The following TMEFF2 variants were observed in gnomAD, a reference collection of about 807,000 sequenced individuals.
TMEFF2 encodes tomoregulin-2.
Under a neutral mutation model 53.8 loss-of-function variants are expected in TMEFF2, and 28 were observed. That is an observed-to-expected ratio of 0.52 (90% CI 0.39 to 0.71). TMEFF2 has a LOEUF of 0.71. Ranked by LOEUF, TMEFF2 falls within the 30% of genes least tolerant of loss-of-function variation. The pLI, the probability that TMEFF2 is intolerant of heterozygous loss-of-function variation, is 0.00. For missense variants in TMEFF2, 353 were observed against 455.2 expected (o/e 0.78, Z 2.04); for synonymous variants, 162 against 166.3 (o/e 0.97, Z 0.20).
chr2:192,120,297 A>G (rs1166680806), intron 4 of TMEFF2, among the ~76,000 whole-genome samples: 1 of 152,210 alleles, frequency 6.6e-6, no homozygotes, highest in African/African-American at 2.4e-5. Context: ...GCCAGTTTGT[A>G]GAGGCTGCAC....
At chr2:192,097,762 G>A (rs1246112239) in intron 4 of TMEFF2, among the ~76,000 whole-genome samples, 1 of 152,050 alleles carries the variant, frequency 6.6e-6, no homozygotes, top group Non-Finnish European at 1.5e-5. Context: ...AGACTATACA[G>A]ATATATCACT....
At chr2:192,005,717 G>A (rs920144837) in intron 5 of TMEFF2, among the ~76,000 whole-genome samples, 2 of 152,066 alleles carry the variant, frequency 1.3e-5, no homozygotes, top group African/African-American at 4.8e-5. Flanking sequence ...CAGTAAATAA[G>A]GTCAGAGCTG....
intron 4 of TMEFF2, among the ~76,000 whole-genome samples, chr2:192,141,041 T>C (rs1390909391): frequency 1.3e-5 from 2 of 152,200 alleles, no homozygotes; most frequent in Non-Finnish European, 2.9e-5. Flanking sequence ...GATCTTATAA[T>C]GGAGCTAAGG....
At chr2:192,003,694 T>C (rs1344837557) in intron 5 of TMEFF2, among the ~76,000 whole-genome samples, 1 of 152,220 alleles carries the variant, frequency 6.6e-6, no homozygotes, top group Non-Finnish European at 1.5e-5. Context: ...AATAAAATGC[T>C]ATATAAAGAT....
intron 7 of TMEFF2, among the ~76,000 whole-genome samples, chr2:191,995,707 T>C (rs1686206776): frequency 6.6e-6 from 1 of 152,034 alleles, no homozygotes; most frequent in Non-Finnish European, 1.5e-5. Context: ...GGGTGTATAT[T>C]GTATTCTAAT....
intron 5 of TMEFF2, among the ~76,000 whole-genome samples, chr2:192,018,863 G>A (rs1415179863): frequency 1.3e-5 from 2 of 151,266 alleles, no homozygotes; most frequent in Non-Finnish European, 2.9e-5. Flanking sequence ...CTACATTTAT[G>A]TAGTAGCCAG....
intron 4 of TMEFF2, among the ~76,000 whole-genome samples, chr2:192,073,917 A>G (rs1298422237): frequency 6.6e-6 from 1 of 152,002 alleles, no homozygotes; most frequent in Non-Finnish European, 1.5e-5. Context: ...AGATAGAAAC[A>G]CCATACATAA....
At chr2:191,960,361 T>A (rs140549986) in intron 7 of TMEFF2, among the ~76,000 whole-genome samples, 1 of 152,374 alleles carries the variant, frequency 6.6e-6, no homozygotes, top group East Asian at 1.9e-4. Context: ...GCCTTCACAT[T>A]GGAATGGCTT....
chr2:192,074,262 A>G (rs1308501426), intron 4 of TMEFF2, among the ~76,000 whole-genome samples: 2 of 151,992 alleles, frequency 1.3e-5, no homozygotes, highest in Non-Finnish European at 2.9e-5. Context: ...TGTAATAATT[A>G]TATTTAGTTT....
At chr2:192,078,743 C>T (rs993417792) in intron 4 of TMEFF2, among the ~76,000 whole-genome samples, 12 of 152,100 alleles carry the variant, frequency 7.9e-5, no homozygotes, top group Admixed American at 1.3e-4. Context: ...ACAACAAATT[C>T]TACTCTCTAA....
chr2:191,979,643 T>C (rs1350851620), intron 7 of TMEFF2, among the ~76,000 whole-genome samples: 1 of 152,086 alleles, frequency 6.6e-6, no homozygotes, highest in African/African-American at 2.4e-5. Flanking sequence ...GAAGGTCTCT[T>C]TTTTCCCCTC....
At position 192,192,501 on chromosome 2, in the gene TMEFF2, A is replaced by G. The variant is rs143420636; in HGVS notation, c.173-512T>C. On this transcript the variant is annotated intron_variant, in intron 1 of 9. Coordinates refer to ENST00000272771, the MANE Select transcript of TMEFF2 (RefSeq NM_016192.4). ...AACAAAGCCTCAATAATAAAGATAA[A>G]CAGGCACAGTGTTTTCTGTGATGGT... 5.8e-3 allele frequency among the ~76,000 whole-genome samples: 880 copies of G among 152,332 alleles called. 20 individuals are homozygous for G. Among genetic ancestry groups the G allele is most frequent in the Admixed American group, 0.045 (689 of 15,306 alleles).
intron 4 of TMEFF2, among the ~76,000 whole-genome samples, chr2:192,129,002 A>G (rs1469393922): frequency 6.6e-6 from 1 of 152,204 alleles, no homozygotes; most frequent in Non-Finnish European, 1.5e-5. Context: ...CAGTAGCCAC[A>G]CATTTCCTCT....
At chr2:192,054,602 C>G (rs906054169) in intron 5 of TMEFF2, among the ~76,000 whole-genome samples, 3 of 152,088 alleles carry the variant, frequency 2.0e-5, no homozygotes, top group African/African-American at 7.2e-5. Context: ...GATGTTTTCC[C>G]ACTTCCAGCT....
intron 4 of TMEFF2, among the ~76,000 whole-genome samples, chr2:192,117,117 T>C (rs1432472303): frequency 6.6e-6 from 1 of 152,172 alleles, no homozygotes; most frequent in Non-Finnish European, 1.5e-5. Context: ...TGATTACTGA[T>C]AGATGGAGGC....
intron 4 of TMEFF2, among the ~76,000 whole-genome samples, chr2:192,116,792 C>T (rs994806906): frequency 6.6e-6 from 1 of 151,976 alleles, no homozygotes; most frequent in Non-Finnish European, 1.5e-5. Context: ...CTGCCTTTGT[C>T]ATGACGTAAG....
chr2:191,978,375 C>T (rs935696865), intron 7 of TMEFF2, among the ~76,000 whole-genome samples: 2 of 151,658 alleles, frequency 1.3e-5, no homozygotes. Flanking sequence ...ATTTCTTTAT[C>T]TTTGTAATGG....
At chr2:192,138,582 A>G (rs1047187284) in intron 4 of TMEFF2, among the ~76,000 whole-genome samples, 1 of 152,208 alleles carries the variant, frequency 6.6e-6, no homozygotes, top group Non-Finnish European at 1.5e-5. Flanking sequence ...TGAAAGTAGC[A>G]ATTTCGGGGA....
chr2:192,129,520 G>C (rs1689760836), intron 4 of TMEFF2, among the ~76,000 whole-genome samples: 1 of 152,160 alleles, frequency 6.6e-6, no homozygotes, highest in Non-Finnish European at 1.5e-5. Context: ...TCCCCATGCA[G>C]TGGAACAAGA....
Sources: gnomAD v4.1 joint callset for allele counts (sites outside exome capture counted in the v4.1 genomes callset) on GRCh38, gnomAD v4.1.1 for gene constraint, MANE v1.5 for transcripts, NCBI Gene and HGNC (gene_info 2026-07-23, HGNC 2026-07-21) for gene names.